The following TGFBR3 variants were observed in gnomAD, a reference collection of about 807,000 sequenced individuals.
TGFBR3 encodes the protein transforming growth factor beta receptor type 3.
Under a neutral mutation model 87.9 loss-of-function variants are expected in TGFBR3, and 46 were observed. That is an observed-to-expected ratio of 0.52 (90% CI 0.41 to 0.67). The LOEUF (loss-of-function observed/expected upper bound fraction) is 0.67, where lower values mean the gene tolerates loss of function less well. TGFBR3 is among the 30% of genes least tolerant of loss of function. The pLI is 0.00. For missense variants in TGFBR3, 866 were observed against 1,041.9 expected (o/e 0.83, Z 2.32); for synonymous variants, 381 against 391.6 (o/e 0.97, Z 0.32).
intron 1 of TGFBR3, among the ~76,000 whole-genome samples, chr1:91,864,484 C>G (rs1254020253): frequency 6.6e-6 from 1 of 152,234 alleles, no homozygotes; most frequent in Non-Finnish European, 1.5e-5. Flanking sequence ...AAACTACACA[C>G]TGCTGTTTGT....
At chr1:91,722,858 G>T (rs1672417550) in intron 7 of TGFBR3, among the ~76,000 whole-genome samples, 1 of 152,150 alleles carries the variant, frequency 6.6e-6, no homozygotes, top group Non-Finnish European at 1.5e-5. Flanking sequence ...CATAGAAAAG[G>T]TACAGTAAAA....
At chr1:91,876,201 T>C (rs1032031953) in intron 1 of TGFBR3, among the ~76,000 whole-genome samples, 1 of 152,020 alleles carries the variant, frequency 6.6e-6, no homozygotes, top group African/African-American at 2.4e-5. Flanking sequence ...TTAGCCTCAG[T>C]GACAAGACTA....
At chr1:91,862,216 A>T (rs1197017581) in intron 1 of TGFBR3, among the ~76,000 whole-genome samples, 3 of 152,192 alleles carry the variant, frequency 2.0e-5, no homozygotes, top group African/African-American at 7.2e-5. Context: ...GAAGAAAATC[A>T]AGGTGCACCT....
chr1:91,752,963 G>C (rs946416993), intron 4 of TGFBR3, among the ~76,000 whole-genome samples: 4 of 150,938 alleles, frequency 2.7e-5, no homozygotes, highest in African/African-American at 9.8e-5. Context: ...GGCAGCAGAG[G>C]TTACAGTGAG....
At chr1:91,787,402 A>G (rs148842893) in intron 3 of TGFBR3, among the ~76,000 whole-genome samples, 1 of 152,298 alleles carries the variant, frequency 6.6e-6, no homozygotes, top group African/African-American at 2.4e-5. Flanking sequence ...AGGGTCACAC[A>G]TGGGGAGTGG....
chr1:91,799,804 C>T (rs1249545446), intron 2 of TGFBR3, among the ~76,000 whole-genome samples: 1 of 152,122 alleles, frequency 6.6e-6, no homozygotes, highest in African/African-American at 2.4e-5. Flanking sequence ...CCATACTGCT[C>T]ACCTCCACAC....
At chr1:91,773,716 C>T (rs1674469541) in intron 3 of TGFBR3, among the ~76,000 whole-genome samples, 1 of 152,106 alleles carries the variant, frequency 6.6e-6, no homozygotes. Flanking sequence ...GAATGTATCT[C>T]AATAAATGAG....
chr1:91,890,009 G>A (rs1443093007), upstream of TGFBR3, among the ~76,000 whole-genome samples: 2 of 152,168 alleles, frequency 1.3e-5, no homozygotes, highest in Non-Finnish European at 1.5e-5. Flanking sequence ...TAAGGGAATG[G>A]ATGCTCCCTT....
At position 91,683,712 on chromosome 1, in the gene TGFBR3, G is replaced by A. The variant is rs749386034; in HGVS notation, c.*27C>T. 6.6e-7 allele frequency: 1 copy of A among 1,526,194 alleles called. No individual in the cohort carries two copies. Among genetic ancestry groups the A allele is most frequent in the Non-Finnish European group, 8.8e-7 (1 of 1,137,632 alleles). 94.5% of individuals were successfully genotyped at this position (1,526,194 alleles called of 1,614,324 possible). A position where few individuals can be genotyped will look rare whatever the true frequency, so the allele number is the denominator to read the frequency against. On this transcript the variant is annotated 3_prime_UTR_variant, in exon 17 of 17. Transcript: ENST00000212355. ...AGCTGAGCTGAGCTGGGCTGGGCTG[G>A]GTTGGGCCGGGTTGGGCTGGGTTGG... is the stretch of plus-strand genomic sequence containing the variant.
chr1:91,754,769 A>T (rs975745663), intron 4 of TGFBR3, among the ~76,000 whole-genome samples: 2 of 152,170 alleles, frequency 1.3e-5, no homozygotes, highest in Non-Finnish European at 2.9e-5. Context: ...CTAACTAATT[A>T]TGAAAGTTTT....
intron 5 of TGFBR3, among the ~76,000 whole-genome samples, chr1:91,734,007 C>G (rs1672863689): frequency 8.6e-6 from 1 of 116,664 alleles, no homozygotes; most frequent in Non-Finnish European, 1.6e-5. Context: ...TGCACTCCAG[C>G]CTGGGCAACA....
At chr1:91,899,365 G>A (rs576953431) in intron 2 of TGFBR3, among the ~76,000 whole-genome samples, 5 of 152,226 alleles carry the variant, frequency 3.3e-5, no homozygotes, top group Admixed American at 6.5e-5. Context: ...AATTAGCCAC[G>A]TATGGTGGCG....
intron 1 of TGFBR3, among the ~76,000 whole-genome samples, chr1:91,862,834 G>T (rs1284582918): frequency 6.6e-6 from 1 of 152,210 alleles, no homozygotes; most frequent in Non-Finnish European, 1.5e-5. Context: ...ATTTCCGGGA[G>T]CCATCTCACA....
At chr1:91,856,018 A>G (rs1677929673) in intron 2 of TGFBR3, among the ~76,000 whole-genome samples, 2 of 152,090 alleles carry the variant, frequency 1.3e-5, no homozygotes. Flanking sequence ...TCCATCCTCA[A>G]CAGTGCTATA....
rs1163948580 is a variant in TGFBR3 at position 91,861,472 on chromosome 1, T to C, written c.60A>G (p.Ala20=). The C allele has an allele frequency of 3.1e-6, 5 of 1,609,042 alleles. No individual in the cohort carries two copies. The highest frequency in any genetic ancestry group is 4.3e-6 in the Non-Finnish European group (5 of 1,175,558). The change falls in exon 2 of 17, where the codon GCA becomes GCG. Residue 20 remains alanine, a splice_region_variant and synonymous_variant. Transcript: ENST00000212355. The part of the protein sequence containing the change: ...FALMSSCLAT[A]GPEPGALCEL... Reference sequence around the variant, plus strand: ...TGCAATTTATATTATGCAACTTACCTGCAGTGGCTAAACAGGAGCTCATCA... The same window carrying C: ...TGCAATTTATATTATGCAACTTACCCGCAGTGGCTAAACAGGAGCTCATCA...
At chr1:91,737,285 C>A (rs939069411) in intron 4 of TGFBR3, among the ~76,000 whole-genome samples, 11 of 152,288 alleles carry the variant, frequency 7.2e-5, no homozygotes, top group African/African-American at 1.9e-4. Context: ...CTAGCACTCC[C>A]CTCCTGACTG....
chr1:91,786,763 C>CA lies in TGFBR3; in HGVS notation c.246+10523dup, dbSNP rs201786879. ...AAGACTGTGTCTCCAAAAAAAAAGACAAAAAAAAAGAGGATGAGTAAATAC... is the reference window on the plus strand; with the variant it reads ...AAGACTGTGTCTCCAAAAAAAAAGACAAAAAAAAAAGAGGATGAGTAAATAC... On this transcript the variant is annotated intron_variant, in intron 3 of 16. Coordinates refer to ENST00000212355, the MANE Select transcript of TGFBR3 (RefSeq NM_003243.5). 1.4e-4 allele frequency among the ~76,000 whole-genome samples: 20 copies of CA among 146,938 alleles called. No individual in the cohort carries two copies. The East Asian group carries it at 3.4e-3, about 25-fold the overall frequency.
intron 14 of TGFBR3, among the ~76,000 whole-genome samples, chr1:91,700,899 T>C (rs953502709): frequency 5.9e-5 from 9 of 152,204 alleles, no homozygotes; most frequent in Non-Finnish European, 1.0e-4. Context: ...GACGTAGTAT[T>C]TGATTCCCTG....
intron 3 of TGFBR3, among the ~76,000 whole-genome samples, chr1:91,762,542 C>A (rs892560973): frequency 6.6e-6 from 1 of 152,188 alleles, no homozygotes; most frequent in Non-Finnish European, 1.5e-5. Context: ...TCGTGAAACC[C>A]GTACTTTGAC....
Sources: gnomAD v4.1 joint callset for allele counts (sites outside exome capture counted in the v4.1 genomes callset) on GRCh38, gnomAD v4.1.1 for gene constraint, MANE v1.5 for transcripts, NCBI Gene and HGNC (gene_info 2026-07-23, HGNC 2026-07-21) for gene names.